The following LINGO2 variants were observed in gnomAD, a reference collection of about 807,000 sequenced individuals.
The protein encoded by LINGO2 is leucine-rich repeat and immunoglobulin-like domain-containing nogo receptor-interacting protein 2.
LINGO2 carries 14 observed loss-of-function variants against 30.6 expected under a neutral mutation model. That is an observed-to-expected ratio of 0.46 (90% CI 0.30 to 0.72). The LOEUF (loss-of-function observed/expected upper bound fraction) is 0.72. LINGO2 is among the 30% of genes least tolerant of loss of function. The pLI is 0.07. For missense variants in LINGO2, 729 were observed against 751.7 expected (o/e 0.97, Z 0.35); for synonymous variants, 317 against 288.5 (o/e 1.10, Z -1.00).
the LINGO2 span, among the ~76,000 whole-genome samples, chr9:29,164,062 T>C: frequency 6.7e-6 from 1 of 150,314 alleles, no homozygotes; most frequent in Non-Finnish European, 1.5e-5. Flanking sequence ...GAAACCACCA[T>C]GCTGTGAGGG....
chr9:27,988,992 A>G (rs1483516067), intron 5 of LINGO2, among the ~76,000 whole-genome samples: 1 of 151,962 alleles, frequency 6.6e-6, no homozygotes, highest in East Asian at 1.9e-4. Flanking sequence ...AATGACTGCA[A>G]TAGCCTCTCA....
chr9:27,962,229 A>T (rs181486492), intron 5 of LINGO2, among the ~76,000 whole-genome samples: 1 of 151,884 alleles, frequency 6.6e-6, no homozygotes, highest in African/African-American at 2.4e-5. Context: ...ACTGGAGAGT[A>T]CTGTCTTATT....
chr9:27,949,325 C>T (rs779811591), exon 6 of LINGO2: 1 of 1,614,100 alleles, frequency 6.2e-7, no homozygotes, highest in Non-Finnish European at 8.5e-7. Context: ...TGATGAAACG[C>T]CTTCGGGGTG....
At chr9:27,949,954 T>C (rs1374377131) in exon 6 of LINGO2, 4 of 1,614,078 alleles carry the variant, frequency 2.5e-6, no homozygotes, top group South Asian at 1.1e-5. Context: ...GCAGGCATCA[T>C]ATCCAGTAAA....
chr9:29,027,721 T>A, the LINGO2 span, among the ~76,000 whole-genome samples: 507 of 152,320 alleles, frequency 3.3e-3, 13 homozygotes, highest in Admixed American at 0.029. Context: ...GCAGTACCAC[T>A]TCATTCTTAG....
At chr9:28,187,102 G>A (rs1819568048) in intron 4 of LINGO2, among the ~76,000 whole-genome samples, 1 of 152,086 alleles carries the variant, frequency 6.6e-6, no homozygotes, top group Non-Finnish European at 1.5e-5. Flanking sequence ...AAGTGATGCT[G>A]GCTGAAATCA....
chr9:28,956,896 C>A, the LINGO2 span, among the ~76,000 whole-genome samples: 2 of 151,256 alleles, frequency 1.3e-5, no homozygotes, highest in South Asian at 2.1e-4. Context: ...CACAGAATTT[C>A]TTTCTCTTTT....
At chr9:28,495,712 G>A (rs976648508) in intron 1 of LINGO2, among the ~76,000 whole-genome samples, 2 of 152,086 alleles carry the variant, frequency 1.3e-5, no homozygotes, top group Non-Finnish European at 2.9e-5. Flanking sequence ...TTTTGAATGT[G>A]TTTGCTCTTG....
the LINGO2 span, among the ~76,000 whole-genome samples, chr9:29,084,978 T>G: frequency 6.8e-6 from 1 of 147,844 alleles, no homozygotes; most frequent in Non-Finnish European, 1.5e-5. Context: ...CAACTACACA[T>G]GTTGTATTAC....
At chr9:28,782,917 A>G in the LINGO2 span, among the ~76,000 whole-genome samples, 1 of 152,188 alleles carries the variant, frequency 6.6e-6, no homozygotes, top group Non-Finnish European at 1.5e-5. Context: ...GCTATATGGT[A>G]TAGCCTGTTG....
chr9:28,920,032 T>C, the LINGO2 span, among the ~76,000 whole-genome samples: 1 of 152,276 alleles, frequency 6.6e-6, no homozygotes, highest in Admixed American at 6.5e-5. Context: ...CTTTTGAACA[T>C]TTATTTCCTA....
intron 1 of LINGO2, among the ~76,000 whole-genome samples, chr9:28,503,478 A>G (rs1157482480): frequency 6.6e-6 from 1 of 152,026 alleles, no homozygotes; most frequent in Non-Finnish European, 1.5e-5. Flanking sequence ...GACAGATTGG[A>G]AAGCAATGCA....
At chr9:28,293,426 T>A (rs958915648) in intron 4 of LINGO2, among the ~76,000 whole-genome samples, 3 of 152,202 alleles carry the variant, frequency 2.0e-5, no homozygotes, top group African/African-American at 7.2e-5. Flanking sequence ...CTTTTTCTTA[T>A]TTTTCTTTAT....
At chr9:28,006,739 C>T (rs1236664799) in intron 5 of LINGO2, among the ~76,000 whole-genome samples, 1 of 152,084 alleles carries the variant, frequency 6.6e-6, no homozygotes. Context: ...TTTCTTAAGG[C>T]CTCCTCTCAG....
rs763284293 is a variant in LINGO2 at position 27,981,534 on chromosome 9, C to CAAAAAAAAAAAAAAAAAAAAAAAAAAA, written c.-36+30820_-36+30821insTTTTTTTTTTTTTTTTTTTTTTTTTTT. ...ATGAAAGGATAAATGACGAGGATGG[C>CAAAAAAAAAAAAAAAAAAAAAAAAAAA]AAAAAAAAAAAAAAAAGAAAAAAAA... On this transcript the variant is annotated intron_variant, in intron 5 of 5. Transcript: ENST00000379992. Among the ~76,000 whole-genome samples the CAAAAAAAAAAAAAAAAAAAAAAAAAAA allele has an allele frequency of 9.8e-4, 39 of 39,850 alleles. 3 individuals are homozygous for CAAAAAAAAAAAAAAAAAAAAAAAAAAA. The highest frequency in any genetic ancestry group is 1.4e-3 in the Non-Finnish European group (26 of 18,706). The allele number at this position is 39,850 out of a possible 152,430, so 26.1% of individuals were successfully genotyped here.
At chr9:29,205,598 T>C in the LINGO2 span, among the ~76,000 whole-genome samples, 1 of 152,194 alleles carries the variant, frequency 6.6e-6, no homozygotes, top group Non-Finnish European at 1.5e-5. Context: ...TACAGTTTCC[T>C]GAAAGAGTTT....
intron 5 of LINGO2, among the ~76,000 whole-genome samples, chr9:27,966,676 A>G (rs763584345): frequency 6.6e-6 from 1 of 152,142 alleles, no homozygotes; most frequent in Non-Finnish European, 1.5e-5. Flanking sequence ...ACCATGGCAC[A>G]TATATACCTA....
At chr9:28,607,268 T>A (rs1322357768) in intron 1 of LINGO2, among the ~76,000 whole-genome samples, 1 of 152,036 alleles carries the variant, frequency 6.6e-6, no homozygotes, top group Non-Finnish European at 1.5e-5. Flanking sequence ...AAGTCACTGA[T>A]CAAAAGAAGT....
chr9:28,864,684 G>A, the LINGO2 span, among the ~76,000 whole-genome samples: 1 of 152,050 alleles, frequency 6.6e-6, no homozygotes, highest in Non-Finnish European at 1.5e-5. Context: ...ACCACTGTCA[G>A]TGTAGGTCAC....
Sources: gnomAD v4.1 joint callset for allele counts (sites outside exome capture counted in the v4.1 genomes callset) on GRCh38, gnomAD v4.1.1 for gene constraint, MANE v1.5 for transcripts, NCBI Gene and HGNC (gene_info 2026-07-23, HGNC 2026-07-21) for gene names.